Variants in SRPK1 observed in about 807,000 individuals in gnomAD.
SRPK1 encodes the protein SRSF protein kinase 1, also known as SFRS protein kinase 1.
SRPK1 carries 52 observed loss-of-function variants against 89.5 expected under a neutral mutation model. The ratio of observed to expected loss-of-function variants is 0.58; its 90% CI spans 0.46 to 0.73. The LOEUF (loss-of-function observed/expected upper bound fraction) is 0.73. Among genes scored for constraint, SRPK1 ranks in the 30% least tolerant of loss-of-function variants. SRPK1 has a pLI of 0.00. For synonymous variants in SRPK1, 255 were observed against 270.2 expected (o/e 0.94, Z 0.55); for missense variants, 603 against 780.6 (o/e 0.77, Z 2.71).
chr6:35,913,496 A>C (rs1771017161), intron 2 of SRPK1, among the ~76,000 whole-genome samples: 1 of 152,062 alleles, frequency 6.6e-6, no homozygotes, highest in African/African-American at 2.4e-5. Flanking sequence ...CCCGTCTCAA[A>C]AAAAAGTAAA....
chr6:35,882,542 A>G (rs1032737620), intron 6 of SRPK1, among the ~76,000 whole-genome samples: 1 of 151,566 alleles, frequency 6.6e-6, no homozygotes, highest in African/African-American at 2.4e-5. Context: ...GGTCTTGAAC[A>G]CCTCAGCTTT....
At chr6:35,874,374 A>G (rs1481507080) in intron 6 of SRPK1, 35 bp from the exon 7 acceptor site, 2 of 1,421,518 alleles carry the variant, frequency 1.4e-6, no homozygotes, top group African/African-American at 2.8e-5. Context: ...AAACGGCACA[A>G]AAGAAGAACA....
In SRPK1 at chr6:35,869,117, A is replaced by G; in HGVS notation, c.1412-7T>C. The G allele has an allele frequency of 6.2e-7, 1 of 1,607,442 alleles. No individual in the cohort carries two copies. The highest frequency in any genetic ancestry group is 8.5e-7 in the Non-Finnish European group (1 of 1,174,670). On this transcript the variant is annotated splice_polypyrimidine_tract_variant and splice_region_variant and intron_variant, in intron 11 of 15. Coordinates refer to ENST00000373825, the MANE Select transcript of SRPK1 (RefSeq NM_003137.5). The stretch of plus-strand genomic sequence containing the variant: ...TTTCCAGCCGTGGATTTTCCTACAG[A>G]CAACAGGCATCATCAATAAGACTGT...
intron 6 of SRPK1, among the ~76,000 whole-genome samples, chr6:35,877,927 G>A (rs2127251400): frequency 6.6e-6 from 1 of 151,788 alleles, no homozygotes; most frequent in East Asian, 1.9e-4. Flanking sequence ...TGGAACAAAT[G>A]GCAGATTAGA....
chr6:35,864,807 T>C (rs191355346), intron 12 of SRPK1, among the ~76,000 whole-genome samples: 1 of 152,100 alleles, frequency 6.6e-6, no homozygotes, highest in African/African-American at 2.4e-5. Flanking sequence ...CATCAACAGA[T>C]GAATTAAAAA....
chr6:35,915,066 G>A (rs999324152), intron 2 of SRPK1, among the ~76,000 whole-genome samples: 1 of 152,102 alleles, frequency 6.6e-6, no homozygotes, highest in Non-Finnish European at 1.5e-5. Context: ...AAAGTGCCAG[G>A]ATTACAGGCT....
At chr6:35,843,860 C>T (rs1260916628) in intron 13 of SRPK1, among the ~76,000 whole-genome samples, 1 of 152,114 alleles carries the variant, frequency 6.6e-6, no homozygotes, top group Non-Finnish European at 1.5e-5. Flanking sequence ...AGCCTGTCTC[C>T]TTTAATAGAA....
chr6:35,859,107 CAAT>C (rs1191129883), intron 12 of SRPK1, among the ~76,000 whole-genome samples: 1 of 152,022 alleles, frequency 6.6e-6, no homozygotes, highest in African/African-American at 2.4e-5. Context: ...CTTAGAGTCT[CAAT>C]GATATAAACA....
intron 2 of SRPK1, among the ~76,000 whole-genome samples, chr6:35,905,146 T>C (rs1348839271): frequency 6.6e-6 from 1 of 151,998 alleles, no homozygotes; most frequent in Non-Finnish European, 1.5e-5. Context: ...TTATCTCAAA[T>C]AAAGAACAAA....
chr6:35,883,975 C>T (rs192465421), intron 6 of SRPK1, among the ~76,000 whole-genome samples: 35 of 151,990 alleles, frequency 2.3e-4, no homozygotes, highest in African/African-American at 7.2e-4. Context: ...CCTCGTGATC[C>T]GCCCACCTCG....
intron 2 of SRPK1, among the ~76,000 whole-genome samples, chr6:35,906,222 G>A (rs1001919993): frequency 4.0e-5 from 6 of 151,862 alleles, no homozygotes; most frequent in East Asian, 1.9e-4. Flanking sequence ...CAACATGCAC[G>A]AATTTTATTA....
At position 35,872,639 on chromosome 6, in the gene SRPK1, C is replaced by T. The variant is rs754052897; in HGVS notation, c.675G>A (p.Glu225=). The T allele has an allele frequency of 4.3e-6, 7 of 1,612,436 alleles. No individual in the cohort carries two copies. The highest frequency in any genetic ancestry group is 5.9e-6 in the Non-Finnish European group (7 of 1,179,332). Residue 225 remains glutamate, a synonymous_variant, in exon 8 of 16, where the codon GAG becomes GAA. Transcript: ENST00000373825. ...CTGCAGCCAGCCTCCGAATGTACTG[C>T]TCATTCACTGACAATAAGATGTTCT... ...KPENILLSVN[E]QYIRRLAAEA...
At chr6:35,886,904 AG>A (rs1173957765) in intron 5 of SRPK1, 93 bp from the exon 6 acceptor site, 2 of 696,004 alleles carry the variant, frequency 2.9e-6, no homozygotes, top group Non-Finnish European at 5.1e-6. Context: ...ATTAACTACA[AG>A]AAAGAGCTCA....
intron 2 of SRPK1, among the ~76,000 whole-genome samples, chr6:35,891,506 G>A (rs766468886): frequency 2.0e-5 from 3 of 152,072 alleles, no homozygotes; most frequent in Non-Finnish European, 4.4e-5. Flanking sequence ...GATCACCTGA[G>A]GTCAGGAGTT....
rs1267001432 is a variant in SRPK1, at chr6:35,866,617, A to T, written c.1512+2393T>A. ...AAGAAAAAGAAAGAAGGAAAATAGT[A>T]TGAAAATTTCTCAAAGAACTAAAAA... On this transcript the variant is annotated intron_variant, in intron 12 of 15. Transcript: ENST00000373825. 3.9e-5 allele frequency among the ~76,000 whole-genome samples: 6 copies of T among 152,146 alleles called. No homozygotes were observed. The East Asian group carries it at 1.2e-3, about 29-fold the overall frequency.
intron 2 of SRPK1, among the ~76,000 whole-genome samples, chr6:35,914,722 C>G (rs370427253): frequency 6.6e-6 from 1 of 152,092 alleles, no homozygotes; most frequent in Admixed American, 6.6e-5. Context: ...TGCTGAATCC[C>G]GAATATGGAA....
chr6:35,891,077 C>A, intron 2 of SRPK1, 64 bp from the exon 3 acceptor site: 1 of 1,488,318 alleles, frequency 6.7e-7, no homozygotes, highest in Non-Finnish European at 8.9e-7. Flanking sequence ...TTATCAAATG[C>A]TGCCCTCCCC....
rs145007747 is a variant in SRPK1 at position 35,910,448 on chromosome 6, A to G, written c.74+10020T>C. Among the ~76,000 whole-genome samples the G allele has an allele frequency of 6.9e-3, 1,057 of 152,334 alleles. 9 individuals carry two copies. The highest frequency in any genetic ancestry group is 0.02 in the African/African-American group (826 of 41,568). On this transcript the variant is annotated intron_variant, in intron 2 of 15. Coordinates refer to ENST00000373825, the MANE Select transcript of SRPK1 (RefSeq NM_003137.5). ...CAGAAGAAAAATTTGAAGGTAGCAG[A>G]GGTTGGTTCATGAAGTTTACAGAAA...
chr6:35,886,271 A>T (rs956025850), intron 6 of SRPK1, among the ~76,000 whole-genome samples: 2 of 151,846 alleles, frequency 1.3e-5, no homozygotes, highest in African/African-American at 4.8e-5. Context: ...GTAGAAACAG[A>T]GTTTCACCAT....
Sources: allele counts gnomAD v4.1 joint callset (sites outside exome capture counted in the v4.1 genomes callset), GRCh38; gene constraint gnomAD v4.1.1; transcripts MANE v1.5; gene names NCBI Gene and HGNC (gene_info 2026-07-23, HGNC 2026-07-21).